MTM1: variants seen among roughly 807,000 people sequenced by gnomAD.
MTM1 encodes the protein myotubularin 1, also known as myotubularin.
Under a neutral mutation model 52.1 loss-of-function variants are expected in MTM1, and 9 were observed. The observed-to-expected ratio is 0.17, with a 90% confidence interval of 0.10 to 0.30. The LOEUF is 0.30. MTM1 is among the 10% of genes least tolerant of loss of function. The probability of loss-of-function intolerance (pLI) is 1.00; values close to 1 mark genes in which losing one functional copy is unlikely to be tolerated. For synonymous variants in MTM1, 136 were observed against 163.8 expected (o/e 0.83, Z 1.29); for missense variants, 277 against 470.7 (o/e 0.59, Z 3.81).
intron 4 of MTM1, among the ~76,000 whole-genome samples, chrX:150,599,502 C>T (rs782575772): frequency 6.1e-4 from 68 of 112,034 alleles, no homozygotes; most frequent in African/African-American, 2.2e-3. Flanking sequence ...AGCCCATCAG[C>T]AGCTTCTACA....
chrX:150,590,607 A>G (rs781867406), intron 1 of MTM1, among the ~76,000 whole-genome samples: 5 of 111,784 alleles, frequency 4.5e-5, no homozygotes, highest in South Asian at 3.8e-4. Flanking sequence ...GAGTTGTAGT[A>G]AAACAGTTAA....
intron 6 of MTM1, among the ~76,000 whole-genome samples, chrX:150,631,527 G>T (rs1557413568): frequency 9.1e-6 from 1 of 109,634 alleles, no homozygotes; most frequent in Admixed American, 9.7e-5. Context: ...GCTGGGTGTG[G>T]TGGCACATGC....
At chrX:150,630,908 A>T (rs2039656447) in intron 6 of MTM1, among the ~76,000 whole-genome samples, 1 of 112,052 alleles carries the variant, frequency 8.9e-6, no homozygotes, top group African/African-American at 3.3e-5. Flanking sequence ...ATTCGGGGGA[A>T]ACCAGGCACA....
chrX:150,626,175 TC>T (rs2148470481), intron 6 of MTM1, among the ~76,000 whole-genome samples: 1 of 112,712 alleles, frequency 8.9e-6, no homozygotes, highest in South Asian at 3.6e-4. Context: ...CTTGCTCTAC[TC>T]CAGTTGTGCT....
At chrX:150,583,533 A>ATTATAAATATATATAAT (rs2038675718) in intron 1 of MTM1, among the ~76,000 whole-genome samples, 1 of 30,063 alleles carries the variant, frequency 3.3e-5, no homozygotes, top group African/African-American at 1.5e-4. Context: ...TTATATATAA[A>ATTATAAATATATATAAT]TTATATATAT....
intron 14 of MTM1, among the ~76,000 whole-genome samples, chrX:150,670,353 C>T (rs2148523591): frequency 8.9e-6 from 1 of 112,255 alleles, no homozygotes; most frequent in Non-Finnish European, 1.9e-5. Flanking sequence ...TTCACTCACA[C>T]AATGCCATGT....
At chrX:150,571,571 A>G (rs1200610831) in intron 1 of MTM1, among the ~76,000 whole-genome samples, 2 of 112,652 alleles carry the variant, frequency 1.8e-5, no homozygotes, top group Non-Finnish European at 3.7e-5. Flanking sequence ...CACTAAAGAA[A>G]AGCTGTTATT....
At chrX:150,663,885 T>G in intron 14 of MTM1, among the ~76,000 whole-genome samples, 1 of 111,892 alleles carries the variant, frequency 8.9e-6, no homozygotes, top group Non-Finnish European at 1.9e-5. Context: ...GCCAGAGATT[T>G]CCTTTGATCA....
At chrX:150,592,420 C>G (rs370225456) in intron 1 of MTM1, among the ~76,000 whole-genome samples, 185 bp from the exon 2 acceptor site, 1 of 111,187 alleles carries the variant, frequency 9.0e-6, no homozygotes, top group African/African-American at 3.3e-5. Context: ...TATTGGAGCT[C>G]TCACATACTG....
In MTM1 at chrX:150,671,944, G is replaced by A. The variant is rs1557415162; in HGVS notation, c.*349G>A. ...GAAACAACATTATTTTAAAATCAAA[G>A]GGGATATATGTTTGTGGAATGGATT... On this transcript the variant is annotated 3_prime_UTR_variant, in exon 15 of 15. Coordinates refer to ENST00000370396, the MANE Select transcript of MTM1 (RefSeq NM_000252.3). The A allele has an allele frequency of 1.5e-5, 3 of 195,634 alleles. No homozygotes were observed. The highest frequency in any genetic ancestry group is 1.9e-5 in the Non-Finnish European group (2 of 107,867). The allele number at this position is 195,634 out of a possible 1,213,427, so 16.1% of individuals were successfully genotyped here. A position where few individuals can be genotyped will look rare whatever the true frequency, so the allele number is the denominator to read the frequency against.
intron 10 of MTM1, among the ~76,000 whole-genome samples, chrX:150,655,487 A>G (rs1397675988): frequency 8.9e-6 from 1 of 112,081 alleles, no homozygotes; most frequent in Admixed American, 9.5e-5. Context: ...GCTAGAAACA[A>G]CCAAATGTCT....
At chrX:150,597,550 G>T (rs1450640130) in intron 3 of MTM1, among the ~76,000 whole-genome samples, 1 of 111,988 alleles carries the variant, frequency 8.9e-6, no homozygotes, top group Non-Finnish European at 1.9e-5. Context: ...CTAGCATAAA[G>T]TAGCTTTATT....
chrX:150,633,632 T>C (rs1233768393), intron 6 of MTM1, among the ~76,000 whole-genome samples: 4 of 110,595 alleles, frequency 3.6e-5, no homozygotes, highest in Non-Finnish European at 7.6e-5. Flanking sequence ...AAATGGTAGA[T>C]GGAAGCTTTT....
intron 6 of MTM1, 134 bp from the exon 7 acceptor site, chrX:150,638,809 A>G: frequency 4.1e-6 from 2 of 484,620 alleles, no homozygotes; most frequent in South Asian, 2.9e-5. Flanking sequence ...TGTTGTTGTT[A>G]TAAGCCTTGG....
At chrX:150,653,530 A>T (rs1557414291) in intron 10 of MTM1, among the ~76,000 whole-genome samples, 10 of 112,493 alleles carry the variant, frequency 8.9e-5, no homozygotes, top group Non-Finnish European at 1.5e-4. Flanking sequence ...GGACGTGGAC[A>T]TCTTTGGTGA....
chrX:150,627,634 C>A (rs1237231833), intron 6 of MTM1, among the ~76,000 whole-genome samples: 2 of 111,617 alleles, frequency 1.8e-5, no homozygotes, highest in Non-Finnish European at 3.8e-5. Context: ...ATTACAATAC[C>A]CGAAGTCTTT....
rs2040394191 is a variant in MTM1 at position 150,671,423 on chromosome X, T to A, written c.1645-5T>A. 1.7e-6 allele frequency: 2 copies of A among 1,211,423 alleles called. No homozygotes were observed. Among genetic ancestry groups the A allele is most frequent in the African/African-American group, 1.7e-5 (1 of 57,704 alleles). ...AGTGTAACTCAAGTCTCTGGTTCTC[T>A]CCAGCAGCCGAATCCAGTGGAGCAG... On this transcript the variant is annotated splice_region_variant and splice_polypyrimidine_tract_variant and intron_variant, in intron 14 of 14. Coordinates refer to ENST00000370396, the MANE Select transcript of MTM1 (RefSeq NM_000252.3).
rs140745118 is a variant in MTM1, at chrX:150,602,976, A to G, written c.231+4290A>G. Among the ~76,000 whole-genome samples, 155 of 112,022 alleles carry G rather than the reference A, an allele frequency of 1.4e-3. 1 individual carries two copies. Among genetic ancestry groups the G allele is most frequent in the African/African-American group, 4.9e-3 (150 of 30,806 alleles). ...ATAATATGACAAAGCCTACAGTGGT[A>G]TGCATAGTGCTGTGAGAAGGAAGAA... is the stretch of plus-strand genomic sequence containing the variant. On this transcript the variant is annotated intron_variant, in intron 4 of 14. Transcript: ENST00000370396.
intron 1 of MTM1, among the ~76,000 whole-genome samples, chrX:150,576,403 T>G (rs1473695717): frequency 8.9e-6 from 1 of 111,840 alleles, no homozygotes; most frequent in Non-Finnish European, 1.9e-5. Context: ...ATCCTACTAT[T>G]GTTTGTTTGT....
Sources: allele counts gnomAD v4.1 joint callset (sites outside exome capture counted in the v4.1 genomes callset), GRCh38; gene constraint gnomAD v4.1.1; transcripts MANE v1.5; gene names NCBI Gene and HGNC (gene_info 2026-07-23, HGNC 2026-07-21).